The following DNER variants were observed in gnomAD, a reference collection of about 807,000 sequenced individuals.
DNER encodes the protein delta/notch like EGF repeat containing.
DNER carries 33 observed loss-of-function variants against 78.2 expected under a neutral mutation model. The ratio of observed to expected loss-of-function variants is 0.42; its 90% CI spans 0.32 to 0.56. The LOEUF is 0.56. Among genes scored for constraint, DNER ranks in the 20% least tolerant of loss-of-function variants. DNER has a pLI of 0.11. For missense variants in DNER, 918 were observed against 975.3 expected (o/e 0.94, Z 0.78); for synonymous variants, 417 against 384.8 (o/e 1.08, Z -0.98).
chr2:229,511,052 T>C (rs765074273), intron 6 of DNER, among the ~76,000 whole-genome samples: 10 of 152,120 alleles, frequency 6.6e-5, no homozygotes, highest in African/African-American at 2.4e-4. Flanking sequence ...ATCCCTATGA[T>C]TTGATAAAGT....
At chr2:229,645,368 C>A (rs1216056616) in intron 1 of DNER, among the ~76,000 whole-genome samples, 1 of 152,084 alleles carries the variant, frequency 6.6e-6, no homozygotes, top group Non-Finnish European at 1.5e-5. Context: ...TTGCTACTAA[C>A]GTAGCAAGTC....
intron 1 of DNER, among the ~76,000 whole-genome samples, chr2:229,671,416 T>A (rs970370790): frequency 1.3e-5 from 2 of 152,220 alleles, no homozygotes; most frequent in Non-Finnish European, 2.9e-5. Flanking sequence ...TCCTATCCAA[T>A]GTAACCAGCC....
intron 1 of DNER, among the ~76,000 whole-genome samples, chr2:229,646,977 G>A (rs1698729934): frequency 1.3e-5 from 2 of 152,190 alleles, no homozygotes; most frequent in South Asian, 4.1e-4. Flanking sequence ...GACCATCCTG[G>A]CCAACATGGT....
chr2:229,571,012 T>C (rs944467661), intron 4 of DNER, among the ~76,000 whole-genome samples: 6 of 152,124 alleles, frequency 3.9e-5, no homozygotes, highest in African/African-American at 1.4e-4. Context: ...CATAAAATGG[T>C]CCTCCCCAAA....
At chr2:229,496,125 G>A (rs1695496136) in intron 6 of DNER, among the ~76,000 whole-genome samples, 1 of 152,118 alleles carries the variant, frequency 6.6e-6, no homozygotes, top group Non-Finnish European at 1.5e-5. Flanking sequence ...AACCACCACA[G>A]GCTTGAAAAA....
In DNER at chr2:229,456,426, C is replaced by G. The variant is rs141830497; in HGVS notation, c.1262-8886G>C. Among the ~76,000 whole-genome samples, 50 of 151,556 alleles carry G rather than the reference C, an allele frequency of 3.3e-4. No homozygotes were observed. The East Asian group carries it at 9.6e-3, about 29-fold the overall frequency. The stretch of plus-strand genomic sequence containing the variant: ...GGACAAACATCTAAACCACACCAAG[C>G]AGAAAGGCCAAGAATGAGAGGGCAG... On this transcript the variant is annotated intron_variant, in intron 7 of 12. Coordinates refer to ENST00000341772, the MANE Select transcript of DNER (RefSeq NM_139072.4).
At chr2:229,505,761 T>A (rs1695727558) in intron 6 of DNER, among the ~76,000 whole-genome samples, 1 of 152,164 alleles carries the variant, frequency 6.6e-6, no homozygotes, top group Non-Finnish European at 1.5e-5. Context: ...TAAAACAATA[T>A]GATGTAAATG....
intron 8 of DNER, among the ~76,000 whole-genome samples, chr2:229,428,336 G>A (rs1212025201): frequency 6.6e-6 from 1 of 152,104 alleles, no homozygotes; most frequent in Admixed American, 6.5e-5. Flanking sequence ...GAATATAAAT[G>A]TCAAGAGCCA....
intron 1 of DNER, among the ~76,000 whole-genome samples, chr2:229,601,967 T>C (rs1269728217): frequency 2.0e-5 from 3 of 152,022 alleles, no homozygotes; most frequent in African/African-American, 7.2e-5. Context: ...TTGCACTTAC[T>C]GACATAGGCA....
chr2:229,597,027 G>A (rs2052301), intron 1 of DNER, among the ~76,000 whole-genome samples: 49,369 of 140,498 alleles, frequency 0.35, 8,132 homozygotes, highest in East Asian at 0.44. Flanking sequence ...ACATGCACAC[G>A]CACACATATA....
Position 229,591,447 on chromosome 2 carries a change from G to A in DNER, c.585+133C>T. On this transcript the variant is annotated intron_variant, in intron 2 of 12. Coordinates refer to ENST00000341772, the MANE Select transcript of DNER (RefSeq NM_139072.4). This position sits in a 1 kb window ranked among gnomAD's most constrained non-coding sequence, Gnocchi z 4.6. ...TACACACAAATGCAGACAGGAATAA[G>A]TTTAGGGAGATATTTTGCTTCGTGA... The A allele has an allele frequency of 3.6e-6, 4 of 1,108,106 alleles. No individual in the cohort carries two copies. The highest frequency in any genetic ancestry group is 5.0e-6 in the Non-Finnish European group (4 of 793,626). 68.6% of individuals were successfully genotyped at this position (1,108,106 alleles called of 1,614,324 possible).
At chr2:229,672,936 A>G (rs1160626995) in intron 1 of DNER, among the ~76,000 whole-genome samples, 1 of 152,224 alleles carries the variant, frequency 6.6e-6, no homozygotes, top group Non-Finnish European at 1.5e-5. Flanking sequence ...TAATAGTTCT[A>G]GGCATGTCTT....
At chr2:229,359,309 C>T (rs1179951004) in intron 12 of DNER, among the ~76,000 whole-genome samples, 1 of 152,224 alleles carries the variant, frequency 6.6e-6, no homozygotes, top group Non-Finnish European at 1.5e-5. Flanking sequence ...TTGTATGTAT[C>T]AAAATTGCCT....
intron 6 of DNER, among the ~76,000 whole-genome samples, chr2:229,481,622 G>T (rs1029726266): frequency 2.6e-5 from 4 of 152,184 alleles, no homozygotes; most frequent in Admixed American, 1.3e-4. Context: ...AAAACTAAAT[G>T]AGTGACTGGT....
intron 1 of DNER, among the ~76,000 whole-genome samples, chr2:229,686,715 G>A (rs1699488377): frequency 6.6e-6 from 1 of 152,220 alleles, no homozygotes; most frequent in Admixed American, 6.5e-5. Flanking sequence ...AGGAGTGACT[G>A]TTGGCTGAAT....
rs1448400341 is a variant in DNER, at chr2:229,368,544, ACAGGAT to A, written c.1856-1431_1856-1426del. Among the ~76,000 whole-genome samples the A allele has an allele frequency of 6.6e-5, 10 of 152,358 alleles. No homozygotes were observed. In the East Asian group the frequency reaches 1.9e-3, roughly 29 times the overall value. ...CAAAAGAATAAAAGCATGTTACCAAACAGGATCTACTTGGACAGTACAATAATTTCA... is the reference window on the plus strand; with the variant it reads ...CAAAAGAATAAAAGCATGTTACCAAACTACTTGGACAGTACAATAATTTCA... On this transcript the variant is annotated intron_variant, in intron 11 of 12. Transcript: ENST00000341772.
rs550498843 is a variant in DNER, at chr2:229,440,417, G to A, written c.1486+6899C>T. On this transcript the variant is annotated intron_variant, in intron 8 of 12. Coordinates refer to ENST00000341772, the MANE Select transcript of DNER (RefSeq NM_139072.4). ...TCCCTCCCCTGACTCCCAGGATACC[G>A]CCCTCACCCTGCAACCTCCCGACCT... Among the ~76,000 whole-genome samples, 310 of 152,110 alleles carry A rather than the reference G, an allele frequency of 2.0e-3. 4 individuals are homozygous for A. The highest frequency in any genetic ancestry group is 7.0e-3 in the African/African-American group (289 of 41,510).
intron 7 of DNER, among the ~76,000 whole-genome samples, chr2:229,475,577 T>C (rs973039248): frequency 6.6e-6 from 1 of 152,246 alleles, no homozygotes; most frequent in Non-Finnish European, 1.5e-5. Context: ...CTTAGCATTA[T>C]ATCCTAGCTC....
At chr2:229,408,776 AT>A (rs1194515791) in intron 9 of DNER, among the ~76,000 whole-genome samples, 1 of 152,182 alleles carries the variant, frequency 6.6e-6, no homozygotes, top group East Asian at 1.9e-4. Flanking sequence ...ATTCACACTA[AT>A]GACTTATTTG....
Sources: gnomAD v4.1 joint callset for allele counts (sites outside exome capture counted in the v4.1 genomes callset) on GRCh38, gnomAD v4.1.1 for gene constraint, Gnocchi (gnomAD v3.1) non-coding constraint, MANE v1.5 for transcripts, NCBI Gene and HGNC (gene_info 2026-07-23, HGNC 2026-07-21) for gene names.